Variants in THSD4 observed in about 807,000 individuals in gnomAD.
The protein encoded by THSD4 is thrombospondin type 1 domain containing 4, also known as thrombospondin type-1 domain-containing protein 4.
A neutral mutation model predicts 119.0 loss-of-function variants in THSD4; 69 were observed. The observed-to-expected ratio is 0.58, with a 90% CI of 0.48 to 0.71. The LOEUF (loss-of-function observed/expected upper bound fraction) is 0.71, where lower values mean the gene tolerates loss of function less well. Among genes scored for constraint, THSD4 ranks in the 30% least tolerant of loss-of-function variants. The pLI, the probability that THSD4 is intolerant of heterozygous loss-of-function variation, is 0.00. For missense variants in THSD4, 1,393 were observed against 1,391.1 expected, an observed-to-expected ratio of 1.00 and a Z score of -0.02; for synonymous variants, 524 against 540.4, an observed-to-expected ratio of 0.97 and a Z score of 0.42.
intron 8 of THSD4, among the ~76,000 whole-genome samples, chr15:71,727,571 T>TACACAC (rs2052877901): frequency 1.1e-3 from 37 of 33,650 alleles, no homozygotes; most frequent in African/African-American, 3.2e-3. Flanking sequence ...TATATATATA[T>TACACAC]ATATATATAT....
intron 16 of THSD4, 82 bp from the exon 17 acceptor site, chr15:71,770,982 A>G: frequency 9.7e-6 from 15 of 1,540,362 alleles, no homozygotes; most frequent in Non-Finnish European, 1.2e-5. Flanking sequence ...AATGTTTGAG[A>G]TTTTCCAGTG....
intron 2 of THSD4, among the ~76,000 whole-genome samples, chr15:71,152,711 C>T (rs1276533830): frequency 6.6e-6 from 1 of 152,136 alleles, no homozygotes; most frequent in Non-Finnish European, 1.5e-5. Flanking sequence ...GTGCTGCTGT[C>T]CTTGGTTGGC....
chr15:71,571,074 C>T (rs528639495), intron 7 of THSD4, among the ~76,000 whole-genome samples: 18 of 152,274 alleles, frequency 1.2e-4, no homozygotes, highest in South Asian at 2.1e-4. Flanking sequence ...CCTGAGGTGT[C>T]CTATGGGGCA....
In THSD4 at chr15:71,603,423, A is replaced by G. The variant is rs191230545; in HGVS notation, c.1153-57107A>G. Reference sequence around the variant, plus strand: ...TGGCTCCACCCCGTTCTCCCAGTGCAGAGGTGGGTCAGAGATTCTCCAGGG... The same window carrying G: ...TGGCTCCACCCCGTTCTCCCAGTGCGGAGGTGGGTCAGAGATTCTCCAGGG... On this transcript the variant is annotated intron_variant, in intron 7 of 17. Coordinates refer to ENST00000261862, the MANE Select transcript of THSD4 (RefSeq NM_024817.3). Among the ~76,000 whole-genome samples, 60 of 152,326 alleles carry G rather than the reference A, an allele frequency of 3.9e-4. 1 individual carries two copies. In the East Asian group the frequency reaches 0.011, roughly 27 times the overall value.
At position 71,703,957 on chromosome 15, in the gene THSD4, C is replaced by T. The variant is rs534527885; in HGVS notation, c.1358-24592C>T. 4.4e-4 allele frequency among the ~76,000 whole-genome samples: 67 copies of T among 152,300 alleles called. No individual in the cohort carries two copies. The South Asian group carries it at 0.013, about 30-fold the overall frequency. On this transcript the variant is annotated intron_variant, in intron 8 of 17. Coordinates refer to ENST00000261862, the MANE Select transcript of THSD4 (RefSeq NM_024817.3). ...CTCTGCCTCCCGGGTTCACGCCATTCTTCTGCCTCAGCCTCCCGAGTAGCT... is the reference window on the plus strand; with the variant it reads ...CTCTGCCTCCCGGGTTCACGCCATTTTTCTGCCTCAGCCTCCCGAGTAGCT...
At chr15:71,289,581 G>A (rs1258964379) in intron 6 of THSD4, among the ~76,000 whole-genome samples, 1 of 152,102 alleles carries the variant, frequency 6.6e-6, no homozygotes, top group Non-Finnish European at 1.5e-5. Flanking sequence ...AACTGATTGG[G>A]CAACTGCAAA....
chr15:71,100,900 G>A (rs151221048), intron 1 of THSD4, among the ~76,000 whole-genome samples: 12 of 152,100 alleles, frequency 7.9e-5, no homozygotes, highest in South Asian at 6.2e-4. Context: ...GAGAATCACC[G>A]GAGCCTGGGA....
chr15:71,555,955 G>A (rs1005523243), intron 7 of THSD4, among the ~76,000 whole-genome samples: 1 of 152,052 alleles, frequency 6.6e-6, no homozygotes, highest in Non-Finnish European at 1.5e-5. Flanking sequence ...TCAGTACCAA[G>A]TTTCCATATA....
At chr15:71,621,192 A>AAT (rs1405293734) in intron 7 of THSD4, among the ~76,000 whole-genome samples, 1 of 152,238 alleles carries the variant, frequency 6.6e-6, no homozygotes, top group African/African-American at 2.4e-5. Context: ...TGTGAAATAC[A>AAT]ATATATAATT....
intron 14 of THSD4, among the ~76,000 whole-genome samples, chr15:71,753,491 G>C (rs1332087954): frequency 6.6e-6 from 1 of 152,246 alleles, no homozygotes; most frequent in African/African-American, 2.4e-5. Flanking sequence ...TTAGGGGCCA[G>C]TTGGGCCAAG....
chr15:71,103,279 G>A (rs1314432987), intron 1 of THSD4, among the ~76,000 whole-genome samples: 1 of 151,968 alleles, frequency 6.6e-6, no homozygotes, highest in Admixed American at 6.6e-5. Context: ...AGTCCTGTGT[G>A]TGTGCCACCC....
At chr15:71,335,997 A>G (rs10518949) in intron 6 of THSD4, among the ~76,000 whole-genome samples, 21,952 of 152,202 alleles carry the variant, frequency 0.14, 1,636 homozygotes, top group South Asian at 0.23. Flanking sequence ...GAACACAGTC[A>G]ATGAAAAAAA....
intron 6 of THSD4, among the ~76,000 whole-genome samples, chr15:71,346,306 A>G (rs1188940244): frequency 6.6e-6 from 1 of 152,170 alleles, no homozygotes; most frequent in African/African-American, 2.4e-5. Flanking sequence ...AACAGAAGTG[A>G]TGGGGTATTC....
intron 1 of THSD4, among the ~76,000 whole-genome samples, chr15:71,128,503 G>A (rs1168539522): frequency 6.8e-6 from 1 of 147,770 alleles, no homozygotes; most frequent in Admixed American, 6.8e-5. Flanking sequence ...CTCCAGCCTG[G>A]GTGACACAGT....
chr15:71,354,448 A>T (rs1435168899), intron 6 of THSD4, among the ~76,000 whole-genome samples: 1 of 152,224 alleles, frequency 6.6e-6, no homozygotes, highest in East Asian at 1.9e-4. Flanking sequence ...CTGAGAAGCC[A>T]TCTTTGTTTT....
intron 10 of THSD4, chr15:71,733,454 A>G (rs2053021147): frequency 6.6e-6 from 1 of 152,234 alleles, no homozygotes. Flanking sequence ...CCATCCTAGC[A>G]TAGAGCCCAG....
chr15:71,347,865 A>G (rs910802361), intron 6 of THSD4, among the ~76,000 whole-genome samples: 2 of 152,142 alleles, frequency 1.3e-5, no homozygotes, highest in Non-Finnish European at 2.9e-5. Flanking sequence ...CAGTGTTCAG[A>G]TGATCAGCCG....
intron 4 of THSD4, among the ~76,000 whole-genome samples, chr15:71,225,539 C>CTTTTTTT (rs1040381361): frequency 1.5e-4 from 16 of 105,370 alleles, no homozygotes; most frequent in South Asian, 3.3e-4. Context: ...TTTTCTTTTT[C>CTTTTTTT]TTTTTTTTTT....
At chr15:71,266,691 T>C (rs577259142) in intron 6 of THSD4, among the ~76,000 whole-genome samples, 5 of 151,904 alleles carry the variant, frequency 3.3e-5, no homozygotes, top group Admixed American at 3.3e-4. Context: ...TCTAACCCAA[T>C]GGAAGGAAGC....
Sources: gnomAD v4.1 joint callset for allele counts (sites outside exome capture counted in the v4.1 genomes callset) on GRCh38, gnomAD v4.1.1 for gene constraint, MANE v1.5 for transcripts, NCBI Gene and HGNC (gene_info 2026-07-23, HGNC 2026-07-21) for gene names.